The following UBE2E2 variants were observed in gnomAD, a reference collection of about 807,000 sequenced individuals.
The protein encoded by UBE2E2 is ubiquitin-conjugating enzyme E2 E2.
UBE2E2 carries 6 observed loss-of-function variants against 24.7 expected under a neutral mutation model. The ratio of observed to expected loss-of-function variants is 0.24; its 90% CI spans 0.13 to 0.48. The LOEUF (loss-of-function observed/expected upper bound fraction) is 0.48, where lower values mean the gene tolerates loss of function less well. UBE2E2 is among the 20% of genes least tolerant of loss of function. The pLI is 0.99. For synonymous variants in UBE2E2, 104 were observed against 83.6 expected, an observed-to-expected ratio of 1.24 and a Z score of -1.33; for missense variants, 169 against 245.0, an observed-to-expected ratio of 0.69 and a Z score of 2.07.
chr3:23,480,786 T>A (rs1478745590), intron 3 of UBE2E2, among the ~76,000 whole-genome samples: 1 of 152,228 alleles, frequency 6.6e-6, no homozygotes, highest in Non-Finnish European at 1.5e-5. Flanking sequence ...CAAAATGGTT[T>A]TTTGAACAGA....
At chr3:23,518,374 C>A (rs58336807) in intron 4 of UBE2E2, among the ~76,000 whole-genome samples, 5,936 of 152,268 alleles carry the variant, frequency 0.039, 154 homozygotes, top group East Asian at 0.14. Flanking sequence ...CCATTAGATA[C>A]AAATAAAATT....
chr3:23,536,255 G>T (rs1393426919), intron 5 of UBE2E2, among the ~76,000 whole-genome samples: 1 of 152,104 alleles, frequency 6.6e-6, no homozygotes, highest in Admixed American at 6.5e-5. Flanking sequence ...TAAAAAATGG[G>T]TATTTTACCT....
intron 4 of UBE2E2, among the ~76,000 whole-genome samples, chr3:23,524,857 G>GACACACAC (rs772415833): frequency 3.1e-5 from 4 of 128,684 alleles, no homozygotes; most frequent in Non-Finnish European, 1.6e-5. Flanking sequence ...GATACACACA[G>GACACACAC]ACACACAGAC....
chr3:23,465,568 G>T (rs1283221549), intron 3 of UBE2E2, among the ~76,000 whole-genome samples: 2 of 152,158 alleles, frequency 1.3e-5, no homozygotes, highest in Non-Finnish European at 2.9e-5. Flanking sequence ...GTTACACAGT[G>T]GCCAAATTGG....
At chr3:23,408,704 C>G (rs1267048271) in intron 3 of UBE2E2, among the ~76,000 whole-genome samples, 3 of 152,134 alleles carry the variant, frequency 2.0e-5, no homozygotes, top group South Asian at 4.1e-4. Flanking sequence ...TGAGCTGGCC[C>G]TCATAGGCTA....
intron 3 of UBE2E2, among the ~76,000 whole-genome samples, chr3:23,464,771 CA>C (rs1698886585): frequency 6.6e-6 from 1 of 152,152 alleles, no homozygotes; most frequent in African/African-American, 2.4e-5. Context: ...TCCTCATCTA[CA>C]AAATGTGAAC....
chr3:23,479,068 A>T (rs143296499), intron 3 of UBE2E2, among the ~76,000 whole-genome samples: 146 of 152,238 alleles, frequency 9.6e-4, no homozygotes, highest in African/African-American at 3.4e-3. Context: ...TTGCTTTTCT[A>T]GCCAGAAACT....
intron 3 of UBE2E2, among the ~76,000 whole-genome samples, chr3:23,488,944 A>C (rs1030435398): frequency 6.6e-6 from 1 of 152,178 alleles, no homozygotes; most frequent in Non-Finnish European, 1.5e-5. Context: ...CAGGATGAAA[A>C]GGTTGAAAAA....
At chr3:23,362,563 C>T (rs761917221) in intron 3 of UBE2E2, among the ~76,000 whole-genome samples, 17 of 152,238 alleles carry the variant, frequency 1.1e-4, no homozygotes, top group East Asian at 3.9e-4. Flanking sequence ...TGTCTGAACT[C>T]GGACAGAGGT....
chr3:23,457,373 A>T (rs1477177382), intron 3 of UBE2E2, among the ~76,000 whole-genome samples: 1 of 152,168 alleles, frequency 6.6e-6, no homozygotes, highest in Non-Finnish European at 1.5e-5. Context: ...GTGCTTTTTC[A>T]CAGTGGATAC....
intron 3 of UBE2E2, among the ~76,000 whole-genome samples, chr3:23,284,533 A>T (rs1220889055): frequency 3.3e-5 from 5 of 151,924 alleles, no homozygotes; most frequent in Non-Finnish European, 7.4e-5. Flanking sequence ...ATTATTTTTT[A>T]AAAAAGAATC....
chr3:23,234,457 A>G (rs998748957), intron 3 of UBE2E2, among the ~76,000 whole-genome samples: 1 of 152,218 alleles, frequency 6.6e-6, no homozygotes. Flanking sequence ...CTCCATGGTC[A>G]GCCCCATCAG....
At chr3:23,361,513 G>A (rs1696113276) in intron 3 of UBE2E2, among the ~76,000 whole-genome samples, 1 of 152,178 alleles carries the variant, frequency 6.6e-6, no homozygotes, top group Admixed American at 6.5e-5. Flanking sequence ...AAGGAATGAA[G>A]TATGTTCTTT....
chr3:23,337,270 C>G (rs1437196971), intron 3 of UBE2E2, among the ~76,000 whole-genome samples: 3 of 152,092 alleles, frequency 2.0e-5, no homozygotes, highest in South Asian at 2.1e-4. Context: ...AGTGTAGTTT[C>G]TATGTATTGC....
chr3:23,336,704 A>G (rs1294239074), intron 3 of UBE2E2, among the ~76,000 whole-genome samples: 3 of 152,250 alleles, frequency 2.0e-5, no homozygotes, highest in Non-Finnish European at 4.4e-5. Context: ...CCAATACTGT[A>G]ATGAACTTTT....
intron 3 of UBE2E2, among the ~76,000 whole-genome samples, chr3:23,378,139 ACAAACTG>A (rs1429932933): frequency 6.6e-6 from 1 of 151,862 alleles, no homozygotes; most frequent in East Asian, 1.9e-4. Context: ...AAATAAAAAT[ACAAACTG>A]AGCTCAGAAA....
At chr3:23,235,167 A>G (rs1559450363) in intron 3 of UBE2E2, among the ~76,000 whole-genome samples, 1 of 152,212 alleles carries the variant, frequency 6.6e-6, no homozygotes, top group Non-Finnish European at 1.5e-5. Context: ...ACAAAACAAA[A>G]CAGAAAAATT....
intron 3 of UBE2E2, among the ~76,000 whole-genome samples, chr3:23,418,680 C>T (rs1254634573): frequency 2.0e-5 from 3 of 152,100 alleles, no homozygotes; most frequent in Non-Finnish European, 4.4e-5. Flanking sequence ...CAATAATAGA[C>T]TATTTTCTGG....
intron 3 of UBE2E2, among the ~76,000 whole-genome samples, chr3:23,315,227 C>G (rs1176216755): frequency 6.6e-6 from 1 of 152,048 alleles, no homozygotes; most frequent in Non-Finnish European, 1.5e-5. Flanking sequence ...TGTCCCCATT[C>G]CATTACCAAC....
Sources: gnomAD v4.1 joint callset for allele counts (sites outside exome capture counted in the v4.1 genomes callset) on GRCh38, gnomAD v4.1.1 for gene constraint, MANE v1.5 for transcripts, NCBI Gene and HGNC (gene_info 2026-07-23, HGNC 2026-07-21) for gene names.